TBC1D22A: variants seen among roughly 807,000 people sequenced by gnomAD.
TBC1D22A encodes TBC1 domain family member 22A.
A neutral mutation model predicts 60.2 loss-of-function variants in TBC1D22A; 38 were observed. The observed-to-expected ratio is 0.63, with a 90% CI of 0.49 to 0.83. The LOEUF (loss-of-function observed/expected upper bound fraction) is 0.83, where lower values mean the gene tolerates loss of function less well. Among genes scored for constraint, TBC1D22A ranks in the 40% least tolerant of loss-of-function variants. TBC1D22A has a pLI of 0.00. For missense variants in TBC1D22A, 628 were observed against 701.0 expected, an observed-to-expected ratio of 0.90 and a Z score of 1.18; for synonymous variants, 302 against 281.7, an observed-to-expected ratio of 1.07 and a Z score of -0.72.
chr22:46,838,551 C>T (rs761544563), intron 4 of TBC1D22A, among the ~76,000 whole-genome samples: 5 of 151,506 alleles, frequency 3.3e-5, no homozygotes, highest in Non-Finnish European at 5.9e-5. Flanking sequence ...CACTTCCCAG[C>T]TGTATTATGA....
chr22:46,769,175 G>A (rs189142711), intron 1 of TBC1D22A, among the ~76,000 whole-genome samples: 87 of 152,152 alleles, frequency 5.7e-4, no homozygotes, highest in African/African-American at 2.0e-3. Context: ...GTGAGTGCTG[G>A]GATAAAGCTG....
intron 12 of TBC1D22A, among the ~76,000 whole-genome samples, chr22:47,153,138 C>G (rs1569475157): frequency 6.6e-6 from 1 of 152,244 alleles, no homozygotes; most frequent in Middle Eastern, 3.4e-3. Context: ...TGCTGAAACT[C>G]CAGCCATTGC....
At chr22:46,876,254 A>C (rs1344866374) in intron 4 of TBC1D22A, among the ~76,000 whole-genome samples, 1 of 152,206 alleles carries the variant, frequency 6.6e-6, no homozygotes, top group African/African-American at 2.4e-5. Context: ...TTGTATCTAC[A>C]GATTGTTCCC....
intron 4 of TBC1D22A, among the ~76,000 whole-genome samples, chr22:46,860,931 A>T (rs1602197600): frequency 6.6e-6 from 1 of 152,206 alleles, no homozygotes; most frequent in East Asian, 1.9e-4. Flanking sequence ...GGCTCTGCTC[A>T]TTCTGAGAAG....
intron 4 of TBC1D22A, among the ~76,000 whole-genome samples, chr22:46,822,178 A>G (rs2085859256): frequency 6.6e-6 from 1 of 152,030 alleles, no homozygotes; most frequent in African/African-American, 2.4e-5. Flanking sequence ...GCATTGGGTT[A>G]GAACATGCTC....
intron 11 of TBC1D22A, among the ~76,000 whole-genome samples, chr22:47,094,637 A>G (rs560966210): frequency 6.6e-6 from 1 of 152,352 alleles, no homozygotes; most frequent in East Asian, 1.9e-4. Flanking sequence ...CTGGAGAACC[A>G]TGACTGATAC....
intron 10 of TBC1D22A, among the ~76,000 whole-genome samples, chr22:47,002,417 G>A (rs2061435154): frequency 6.6e-6 from 1 of 152,218 alleles, no homozygotes; most frequent in Admixed American, 6.5e-5. Context: ...GAATTCTGGG[G>A]CCAGCCCCAC....
intron 11 of TBC1D22A, among the ~76,000 whole-genome samples, chr22:47,058,148 C>T (rs903653560): frequency 2.6e-5 from 4 of 152,218 alleles, no homozygotes; most frequent in Admixed American, 6.5e-5. Flanking sequence ...GCTAGCTTCA[C>T]GCCACACCCT....
intron 8 of TBC1D22A, among the ~76,000 whole-genome samples, chr22:46,953,906 C>G (rs774202071): frequency 2.6e-5 from 4 of 152,166 alleles, no homozygotes; most frequent in African/African-American, 4.8e-5. Flanking sequence ...TGGCATTTTT[C>G]CATGTATAGG....
intron 11 of TBC1D22A, among the ~76,000 whole-genome samples, chr22:47,100,363 G>A (rs1414502524): frequency 6.6e-6 from 1 of 151,974 alleles, no homozygotes; most frequent in African/African-American, 2.4e-5. Context: ...GTAGGGGTAA[G>A]GCCTGAGAGC....
At chr22:46,850,084 C>T (rs139059448) in intron 4 of TBC1D22A, among the ~76,000 whole-genome samples, 94 of 152,296 alleles carry the variant, frequency 6.2e-4, no homozygotes, top group Non-Finnish European at 9.6e-4. Flanking sequence ...TGCAGCAGCT[C>T]GACTGCATGC....
chr22:47,103,066 G>A (rs1569447991), intron 11 of TBC1D22A, among the ~76,000 whole-genome samples: 1 of 152,180 alleles, frequency 6.6e-6, no homozygotes, highest in African/African-American at 2.4e-5. Context: ...CCTCACCCCA[G>A]AAAGAGGTAC....
At chr22:46,834,837 A>G (rs989317426) in intron 4 of TBC1D22A, among the ~76,000 whole-genome samples, 2 of 152,182 alleles carry the variant, frequency 1.3e-5, no homozygotes, top group Non-Finnish European at 1.5e-5. Flanking sequence ...AGCTGGCACA[A>G]CTGCACCCCT....
chr22:46,958,230 G>A (rs908161722), intron 8 of TBC1D22A, among the ~76,000 whole-genome samples: 13 of 152,326 alleles, frequency 8.5e-5, no homozygotes, highest in Admixed American at 3.9e-4. Context: ...GTAGAACCAG[G>A]GAGGTTTATT....
intron 11 of TBC1D22A, among the ~76,000 whole-genome samples, chr22:47,064,705 G>A (rs887700393): frequency 6.6e-6 from 1 of 152,198 alleles, no homozygotes; most frequent in Non-Finnish European, 1.5e-5. Context: ...AATCCTAGGG[G>A]CATCTGGGTA....
At chr22:46,846,523 A>G (rs1477481931) in intron 4 of TBC1D22A, among the ~76,000 whole-genome samples, 1 of 152,190 alleles carries the variant, frequency 6.6e-6, no homozygotes, top group Non-Finnish European at 1.5e-5. Flanking sequence ...CCCAATGGGA[A>G]TATCATCAAT....
At chr22:47,156,534 A>T (rs116066311) in intron 12 of TBC1D22A, among the ~76,000 whole-genome samples, 345 of 152,224 alleles carry the variant, frequency 2.3e-3, no homozygotes, top group African/African-American at 8.0e-3. Flanking sequence ...GCCTAGCTTG[A>T]GGCTGGCCGG....
chr22:47,017,052 C>T (rs1031376240), intron 10 of TBC1D22A, among the ~76,000 whole-genome samples: 2 of 152,220 alleles, frequency 1.3e-5, no homozygotes, highest in African/African-American at 4.8e-5. Context: ...GGTTTTCTGG[C>T]CGTGAGGAAA....
At chr22:46,946,656 C>T (rs2072564713) in intron 8 of TBC1D22A, among the ~76,000 whole-genome samples, 1 of 152,186 alleles carries the variant, frequency 6.6e-6, no homozygotes, top group South Asian at 2.1e-4. Flanking sequence ...CTGTTGATGA[C>T]TGAGTTTCCC....
Sources: allele counts gnomAD v4.1 joint callset (sites outside exome capture counted in the v4.1 genomes callset), GRCh38; gene constraint gnomAD v4.1.1; transcripts MANE v1.5; gene names NCBI Gene and HGNC (gene_info 2026-07-23, HGNC 2026-07-21).